Variants in BBOF1 observed in about 807,000 individuals in gnomAD.
The protein encoded by BBOF1 is basal body-orientation factor 1.
A neutral mutation model predicts 68.0 loss-of-function variants in BBOF1; 62 were observed. That is an observed-to-expected ratio of 0.91 (90% CI 0.74 to 1.13). BBOF1 has a LOEUF of 1.13. BBOF1 is among the 50% of genes most tolerant of loss of function. The pLI, the probability that BBOF1 is intolerant of heterozygous loss-of-function variation, is 0.00. For synonymous variants in BBOF1, 208 were observed against 198.8 expected (o/e 1.05, Z -0.39); for missense variants, 534 against 600.1 (o/e 0.89, Z 1.15).
At chr14:74,024,655 AG>A (rs2059384972) in intron 2 of BBOF1, among the ~76,000 whole-genome samples, 1 of 151,980 alleles carries the variant, frequency 6.6e-6, no homozygotes. Flanking sequence ...TGGTAGAGAC[AG>A]GGTTTCGCCA....
chr14:74,079,307 C>T (rs1197509208), intron 10 of BBOF1, among the ~76,000 whole-genome samples: 1 of 148,804 alleles, frequency 6.7e-6, no homozygotes, highest in African/African-American at 2.6e-5. Flanking sequence ...AGTACAATGG[C>T]GCAATCTCGG....
At chr14:74,064,556 TCA>T in intron 11 of BBOF1, 130 bp from the exon 12 acceptor site, 1 of 801,598 alleles carries the variant, frequency 1.2e-6, no homozygotes, top group Non-Finnish European at 2.2e-6. Context: ...GGGAAGAGGG[TCA>T]CACACTCAGG....
downstream of BBOF1, chr14:74,069,105 T>TA: frequency 2.2e-6 from 2 of 913,952 alleles, no homozygotes; most frequent in South Asian, 2.0e-5. Context: ...CTTTTTCTTT[T>TA]TTTTTTTTTT....
intron 1 of BBOF1, among the ~76,000 whole-genome samples, chr14:74,022,417 A>G (rs1193855329): frequency 2.0e-5 from 3 of 152,120 alleles, no homozygotes; most frequent in East Asian, 3.9e-4. Flanking sequence ...GCATAGTTGC[A>G]TGAACCTGTA....
At chr14:74,048,565 G>A (rs1277676688) in intron 7 of BBOF1, 4 of 152,222 alleles carry the variant, frequency 2.6e-5, no homozygotes, top group African/African-American at 9.7e-5. Context: ...TCACAGCCTG[G>A]GGGGCGCTGC....
rs138029873 is a variant in BBOF1, at chr14:74,034,242, A to G, written c.495+71A>G. The G allele has an allele frequency of 1.1e-5, 11 of 1,016,900 alleles. No homozygotes were observed. In the South Asian group the frequency reaches 1.2e-4, roughly 11 times the overall value. 63.0% of individuals were successfully genotyped at this position (1,016,900 alleles called of 1,614,324 possible). A position where few individuals can be genotyped will look rare whatever the true frequency, so the allele number is the denominator to read the frequency against. On this transcript the variant is annotated intron_variant, in intron 4 of 11. Coordinates refer to ENST00000394009, the MANE Select transcript of BBOF1 (RefSeq NM_025057.3). ...TTTAATGCCTACAGAAGCCTTCACA[A>G]ACATTTACTCCTGTGAGACGGCAAA...
chr14:74,057,432 A>C, intron 11 of BBOF1, 174 bp downstream of exon 11: 1 of 1,505,932 alleles, frequency 6.6e-7, no homozygotes, highest in Non-Finnish European at 8.8e-7. Context: ...ATCCGTACAA[A>C]TGCATATTAT....
chr14:74,074,986 C>G, intron 9 of BBOF1: 1 of 1,613,962 alleles, frequency 6.2e-7, no homozygotes, highest in Non-Finnish European at 8.5e-7. Context: ...TGCTGAATAC[C>G]AGGTGGGACT....
chr14:74,059,996 G>C (rs2060304183), intron 11 of BBOF1: 1 of 154,530 alleles, frequency 6.5e-6, no homozygotes, highest in African/African-American at 2.4e-5. Context: ...TGGGATAAAA[G>C]AGGGGCTAAA....
At chr14:74,078,087 C>T in intron 9 of BBOF1, 1 of 419,194 alleles carries the variant, frequency 2.4e-6, no homozygotes, top group Non-Finnish European at 4.7e-6. Flanking sequence ...ATAATAAACA[C>T]TTATTGTTTA....
At chr14:74,064,318 T>A (rs1303937984) in intron 11 of BBOF1, among the ~76,000 whole-genome samples, 13 of 147,318 alleles carry the variant, frequency 8.8e-5, no homozygotes, top group East Asian at 2.1e-4. Context: ...AAAATAATAA[T>A]AATAATAGTA....
chr14:74,023,319 T>C (rs994521782), intron 2 of BBOF1, among the ~76,000 whole-genome samples, 175 bp downstream of exon 2: 1 of 152,232 alleles, frequency 6.6e-6, no homozygotes, highest in Non-Finnish European at 1.5e-5. Context: ...TTTACTGTTA[T>C]CGGCTCTCTT....
chr14:74,064,692 C>T lies in BBOF1; in HGVS notation c.1583C>T (p.Thr528Ile), dbSNP rs539773352. Residue 528 changes from threonine (T) to isoleucine (I), a missense_variant, in exon 12 of 12, where the codon ACC becomes ATC. By Grantham distance (89) the Thr-to-Ile change is moderately conservative. Coordinates refer to ENST00000394009, the MANE Select transcript of BBOF1 (RefSeq NM_025057.3). ...TAACTTTTAAATCTTTTTTAGGGAA[C>T]CTTCTGAGAAGCACTGATTATGACC... Reference protein sequence around the residue: ...PKEPQESDTGTF With the variant: ...PKEPQESDTGIF The T allele has an allele frequency of 1.4e-5, 23 of 1,614,062 alleles. No homozygotes were observed. The highest frequency in any genetic ancestry group is 1.8e-5 in the Non-Finnish European group (21 of 1,179,944).
chr14:74,051,627 T>C (rs2060070086), intron 8 of BBOF1, among the ~76,000 whole-genome samples: 1 of 151,802 alleles, frequency 6.6e-6, no homozygotes, highest in Non-Finnish European at 1.5e-5. Context: ...TACATAATGA[T>C]TAACTTTGTT....
In BBOF1 at chr14:74,023,091, A is replaced by G. The variant is rs781620200; in HGVS notation, c.232A>G (p.Ile78Val). The part of the protein sequence containing the change: ...KKKQCKMEKD[I>V]MSVLSYLKKQ... Reference sequence around the variant, plus strand: ...AAAGCAATGTAAAATGGAGAAAGACATAATGTCAGTATTAAGTTACCTGAA... The same window carrying G: ...AAAGCAATGTAAAATGGAGAAAGACGTAATGTCAGTATTAAGTTACCTGAA... The change falls in exon 2 of 12, where the codon ATA becomes GTA. Residue 78 changes from isoleucine to valine, a missense_variant. By Grantham distance (29) the Ile-to-Val change is conservative. Coordinates refer to ENST00000394009, the MANE Select transcript of BBOF1 (RefSeq NM_025057.3). 40 of 1,600,636 alleles carry G rather than the reference A, an allele frequency of 2.5e-5. No individual in the cohort carries two copies. Among genetic ancestry groups the G allele is most frequent in the South Asian group, 1.6e-4 (14 of 88,624 alleles).
At chr14:74,028,497 C>G (rs938270671) in intron 2 of BBOF1, among the ~76,000 whole-genome samples, 1 of 120,474 alleles carries the variant, frequency 8.3e-6, no homozygotes, top group Non-Finnish European at 1.7e-5. Context: ...CACACACACA[C>G]ACACACACAC....
At chr14:74,072,405 C>T (rs1254273339) in intron 9 of BBOF1, 1 of 1,614,022 alleles carries the variant, frequency 6.2e-7, no homozygotes, top group East Asian at 2.2e-5. Context: ...GCCTGACTCA[C>T]CTTCTCCACT....
chr14:74,076,632 G>A (rs776229858), intron 9 of BBOF1, among the ~76,000 whole-genome samples: 6 of 152,188 alleles, frequency 3.9e-5, no homozygotes, highest in African/African-American at 9.7e-5. Context: ...CACCTCCTGG[G>A]TTCAAGCTTT....
At position 74,047,686 on chromosome 14, in the gene BBOF1, G is replaced by A. The variant is rs543783280; in HGVS notation, c.648-244G>A. On this transcript the variant is annotated intron_variant, in intron 6 of 11. Transcript: ENST00000394009. ...ATTCCTAGGCTCAAGTGATCCTCCC[G>A]TCTCAGCCTCTCAAAGTGCTGGGAT... 1.1e-4 allele frequency among the ~76,000 whole-genome samples: 17 copies of A among 152,104 alleles called. 1 individual carries two copies. Among genetic ancestry groups the A allele is most frequent in the African/African-American group, 3.4e-4 (14 of 41,512 alleles).
Sources: allele counts gnomAD v4.1 joint callset (sites outside exome capture counted in the v4.1 genomes callset), GRCh38; gene constraint gnomAD v4.1.1; transcripts MANE v1.5; gene names NCBI Gene and HGNC (gene_info 2026-07-23, HGNC 2026-07-21).